Variants in CHADL observed in about 807,000 individuals in gnomAD.
CHADL encodes chondroadherin like.
A neutral mutation model predicts 52.1 loss-of-function variants in CHADL; 48 were observed. The observed-to-expected ratio is 0.92, with a 90% confidence interval of 0.73 to 1.17. The LOEUF (loss-of-function observed/expected upper bound fraction) is 1.17, where lower values mean the gene tolerates loss of function less well. CHADL is among the 50% of genes most tolerant of loss of function. The probability of loss-of-function intolerance (pLI) is 0.00; values close to 1 mark genes in which losing one functional copy is unlikely to be tolerated. For synonymous variants in CHADL, 498 were observed against 511.2 expected, an observed-to-expected ratio of 0.97 and a Z score of 0.35; for missense variants, 977 against 1,035.1, an observed-to-expected ratio of 0.94 and a Z score of 0.77.
At position 41,238,942 on chromosome 22, in the gene CHADL, G is replaced by C. The variant is rs1171187415; in HGVS notation, c.187-57C>G. ...CCAGGCAGGGACCCCGCCTTTGCAA[G>C]TGCTGCTTCTTCCCCGGAACACTCT... is the stretch of plus-strand genomic sequence containing the variant. On this transcript the variant is annotated intron_variant, in intron 2 of 5. Transcript: ENST00000216241. This position sits in a 1 kb window ranked among gnomAD's most constrained non-coding sequence, Gnocchi z 4.9. The C allele has an allele frequency of 4.8e-6, 7 of 1,471,812 alleles. No individual in the cohort carries two copies. The highest frequency in any genetic ancestry group is 4.8e-5 in the Admixed American group (2 of 41,510). 91.2% of individuals were successfully genotyped at this position (1,471,812 alleles called of 1,614,324 possible).
rs1376117631 is a variant in CHADL at position 41,236,620 on chromosome 22, GC to G, written c.1926del (p.Leu645SerfsTer49). 6.5e-7 allele frequency: 1 copy of G among 1,550,230 alleles called. No homozygotes were observed. The highest frequency in any genetic ancestry group is 1.2e-5 in the South Asian group (1 of 84,014). On this transcript the variant is annotated frameshift_variant, in exon 4 of 6. Coordinates refer to ENST00000216241, the MANE Select transcript of CHADL (RefSeq NM_138481.2). LOFTEE classifies it high-confidence loss of function. ...TGCAGGTGCAGGCTCTGGAGCCCGGGCCCCAGGCCTGAAAAGGCCCCAGGAC... is the reference window on the plus strand; with the variant it reads ...TGCAGGTGCAGGCTCTGGAGCCCGGGCCCAGGCCTGAAAAGGCCCCAGGAC... ...QICPGAFSGL[G>X]PGLQSLHLQK...
At chr22:41,232,898 G>T (rs139492) in intron 5 of CHADL, among the ~76,000 whole-genome samples, 56,433 of 151,882 alleles carry the variant, frequency 0.37, 10,984 homozygotes, top group African/African-American at 0.44. Context: ...GATTAGTATT[G>T]CTCTCATCAA....
chr22:41,232,983 C>T lies in CHADL; in HGVS notation c.2262+2162G>A, dbSNP rs147836356. 2.3e-3 allele frequency among the ~76,000 whole-genome samples: 348 copies of T among 152,226 alleles called. 4 individuals carry two copies. Among genetic ancestry groups the T allele is most frequent in the Middle Eastern group, 0.01 (3 of 294 alleles). On this transcript the variant is annotated intron_variant, in intron 5 of 5. Coordinates refer to ENST00000216241, the MANE Select transcript of CHADL (RefSeq NM_138481.2). ...TGGGGTCTTTTCAGGAGTTCCTTCC[C>T]GGCTCCCAGCCAGAAATTAGGAACA...
Position 41,237,480 on chromosome 22 carries a change from T to C in CHADL, c.1592A>G (p.Asn531Ser). 5 of 1,550,478 alleles carry C rather than the reference T, an allele frequency of 3.2e-6. No homozygotes were observed. In the South Asian group the frequency reaches 5.9e-5, roughly 18 times the overall value. The change falls in exon 3 of 6, where the codon AAC becomes AGC. Residue 531 changes from asparagine to serine, a missense_variant. Asn to Ser is a conservative substitution (Grantham distance 46). Transcript: ENST00000216241. ...PSLFSLHLQD[N>S]AVDRLAPGDL... The stretch of plus-strand genomic sequence containing the variant: ...CCCAGGTGCCAGGCGGTCCACAGCG[T>C]TGTCCTGCAGGTGCAGGGAGAAGAG...
Position 41,235,343 on chromosome 22 carries a change from C to G in CHADL, c.2064G>C (p.Arg688Ser). ...HCDCQLLPLH[R>S]WLTGLNLRVG... ...CCCGCAGGTTCAGCCCAGTAAGCCACCTGAAGAGAAAAGAGAGCTGGGGAG... is the reference window on the plus strand; with the variant it reads ...CCCGCAGGTTCAGCCCAGTAAGCCAGCTGAAGAGAAAAGAGAGCTGGGGAG... Residue 688 changes from arginine to serine, a missense_variant and splice_region_variant, in exon 5 of 6, where the codon AGG becomes AGC. Arg to Ser is a moderately radical substitution (Grantham distance 110, BLOSUM62 -1). Transcript: ENST00000216241. 6.5e-7 allele frequency: 1 copy of G among 1,550,330 alleles called. No homozygotes were observed. The highest frequency in any genetic ancestry group is 8.7e-7 in the Non-Finnish European group (1 of 1,146,834).
At chr22:41,236,154 G>A (rs186806999) in intron 4 of CHADL, among the ~76,000 whole-genome samples, 11 of 152,316 alleles carry the variant, frequency 7.2e-5, no homozygotes, top group Admixed American at 2.6e-4. Context: ...TTATAGGCGC[G>A]AGCCACCATC....
Position 41,236,556 on chromosome 22 carries a change from A to G in CHADL, c.1991T>C (p.Leu664Pro), listed in dbSNP as rs886785381. 21 of 1,551,358 alleles carry G rather than the reference A, an allele frequency of 1.4e-5. No individual in the cohort carries two copies. Among genetic ancestry groups the G allele is most frequent in the Admixed American group, 5.9e-5 (3 of 50,992 alleles). ...QLRALPALPS[L>P]SQLELIDLSS... ...GAGGTCGATGAGCTCCAGCTGGCTG[A>G]GACTGGGCAGGGCAGGCAGGGCCCG... The change falls in exon 4 of 6, where the codon CTC (leucine) becomes CCC (proline). Residue 664 changes from leucine (L) to proline (P), a missense_variant. Leu to Pro is a moderately conservative substitution (Grantham distance 98, BLOSUM62 -3). Coordinates refer to ENST00000216241, the MANE Select transcript of CHADL (RefSeq NM_138481.2).
Position 41,237,459 on chromosome 22 carries a change from G to C in CHADL, c.1613C>G (p.Pro538Arg). ...LQDNAVDRLAPGDLGRTRALR... is the reference protein window; with the variant it reads ...LQDNAVDRLARGDLGRTRALR... Reference sequence around the variant, plus strand: ...GGCCCGTGTTCTCCCCAGGTCCCCAGGTGCCAGGCGGTCCACAGCGTTGTC... The same window carrying C: ...GGCCCGTGTTCTCCCCAGGTCCCCACGTGCCAGGCGGTCCACAGCGTTGTC... Residue 538 changes from proline to arginine, a missense_variant, in exon 3 of 6, where the codon CCT becomes CGT. By Grantham distance (103) the Pro-to-Arg change is moderately radical. Transcript: ENST00000216241. The C allele has an allele frequency of 6.4e-7, 1 of 1,550,536 alleles. No individual in the cohort carries two copies. The highest frequency in any genetic ancestry group is 1.2e-5 in the South Asian group (1 of 84,070).
Position 41,238,849 on chromosome 22 carries a change from T to A in CHADL, c.223A>T (p.Lys75Ter), listed in dbSNP as rs573783577. ...TGGAAGGCGGCTGCGGGGATCACCT[T>A]CAGCAAATTGCCCTGCAGGTCCAGC... is the stretch of plus-strand genomic sequence containing the variant. ...QRLDLQGNLL[K>*]VIPAAAFQGV... Residue 75 changes from lysine (K) to a stop codon, truncating the protein, a stop_gained, in exon 3 of 6, where the codon AAG (lysine) becomes TAG (stop). Coordinates refer to ENST00000216241, the MANE Select transcript of CHADL (RefSeq NM_138481.2). LOFTEE classifies it high-confidence loss of function. The surrounding 1 kb of genome is among the most constrained non-coding windows in gnomAD (Gnocchi z 4.9). The A allele has an allele frequency of 3.9e-6, 6 of 1,544,012 alleles. No individual in the cohort carries two copies. The highest frequency in any genetic ancestry group is 5.3e-6 in the Non-Finnish European group (6 of 1,142,206).
In CHADL at chr22:41,238,802, G is replaced by A; in HGVS notation, c.270C>T (p.His90=). The change falls in exon 3 of 6, where the codon CAC becomes CAT. Residue 90 remains histidine (H), a synonymous_variant. Coordinates refer to ENST00000216241, the MANE Select transcript of CHADL (RefSeq NM_138481.2). The surrounding 1 kb of genome is among the most constrained non-coding windows in gnomAD (Gnocchi z 4.9). ...CCACCTCGCAGTGGCGCAGGTCCAGGTGTGTGAGGTGAGGCACGCCCTGGA... is the reference window on the plus strand; with the variant it reads ...CCACCTCGCAGTGGCGCAGGTCCAGATGTGTGAGGTGAGGCACGCCCTGGA... ...AAFQGVPHLT[H]LDLRHCEVEL... is the part of the protein sequence containing the mutation. 1.3e-6 allele frequency: 2 copies of A among 1,549,618 alleles called. No individual in the cohort carries two copies. Among genetic ancestry groups the A allele is most frequent in the South Asian group, 1.2e-5 (1 of 84,032 alleles).
At chr22:41,230,105 C>G in intron 5 of CHADL, 1 of 383,726 alleles carries the variant, frequency 2.6e-6, no homozygotes, top group Non-Finnish European at 5.0e-6. Context: ...GAGTTATTTA[C>G]TCGCCCACCC....
In CHADL at chr22:41,235,213, G is replaced by T; in HGVS notation, c.2194C>A (p.Arg732=). The change falls in exon 5 of 6, where the codon CGG becomes AGG. Residue 732 remains arginine (R), a synonymous_variant. Coordinates refer to ENST00000216241, the MANE Select transcript of CHADL (RefSeq NM_138481.2). The part of the protein sequence containing the change: ...CPGWAARKAK[R]TPASRPSARR... The stretch of plus-strand genomic sequence containing the variant: ...GCACTGGGCCTGGAGGCTGGTGTCC[G>T]CTTGGCCTTTCTGGCAGCCCAGCCC... 6.4e-7 allele frequency: 1 copy of T among 1,551,416 alleles called. No individual in the cohort carries two copies. Among genetic ancestry groups the T allele is most frequent in the Non-Finnish European group, 8.7e-7 (1 of 1,147,004 alleles).
Position 41,237,313 on chromosome 22 carries a change from C to A in CHADL, c.1759G>T (p.Gly587Trp). 1 of 1,550,676 alleles carries A rather than the reference C, an allele frequency of 6.4e-7. No homozygotes were observed. The highest frequency in any genetic ancestry group is 8.7e-7 in the Non-Finnish European group (1 of 1,146,948). The change falls in exon 3 of 6, where the codon GGG (glycine) becomes TGG (tryptophan). Residue 587 changes from glycine (G) to tryptophan (W), a missense_variant. By Grantham distance (184) the Gly-to-Trp change is radical (BLOSUM62 -2). Transcript: ENST00000216241. ...AGGGCAGGCAGCCCCTCCAAGGCCC[C>A]AGTGGGCACCTCTCGCAGCTGATTC... ...DRNQLREVPT[G>W]ALEGLPALLE...
Position 41,239,611 on chromosome 22 carries a change from G to A in CHADL, c.18C>T (p.Ser6=). 6.5e-7 allele frequency: 1 copy of A among 1,531,312 alleles called. No homozygotes were observed. The highest frequency in any genetic ancestry group is 8.8e-7 in the Non-Finnish European group (1 of 1,137,172). The allele number at this position is 1,531,312 out of a possible 1,614,324, so 94.9% of individuals were successfully genotyped here. A position where few individuals can be genotyped will look rare whatever the true frequency, so the allele number is the denominator to read the frequency against. The part of the protein sequence containing the change: MEGPR[S]STHVPLVLPL... Reference sequence around the variant, plus strand: ...GCAGCACCAAGGGGACATGGGTGGAGCTCCGGGGCCTGGGACGGGGAGGGA... The same window carrying A: ...GCAGCACCAAGGGGACATGGGTGGAACTCCGGGGCCTGGGACGGGGAGGGA... Residue 6 remains serine, a synonymous_variant, in exon 2 of 6, where the codon AGC becomes AGT. Transcript: ENST00000216241.
At position 41,232,123 on chromosome 22, in the gene CHADL, G is replaced by C. The variant is rs578021104; in HGVS notation, c.2263-2393C>G. 5.8e-3 allele frequency among the ~76,000 whole-genome samples: 880 copies of C among 151,724 alleles called. 6 individuals are homozygous for C. Among genetic ancestry groups the C allele is most frequent in the African/African-American group, 0.02 (837 of 41,400 alleles). On this transcript the variant is annotated intron_variant, in intron 5 of 5. Coordinates refer to ENST00000216241, the MANE Select transcript of CHADL (RefSeq NM_138481.2). ...CACGGCGGGCGGATCACAAGGTCAG[G>C]AGATCGAGACCATCCTGGCTAACAC...
Position 41,230,607 on chromosome 22 carries a change from C to T in CHADL, c.2263-877G>A, listed in dbSNP as rs1601549155. 1.3e-5 allele frequency: 4 copies of T among 318,280 alleles called. No individual in the cohort carries two copies. In the Middle Eastern group the frequency reaches 4.2e-3, roughly 334 times the overall value. The allele number at this position is 318,280 out of a possible 1,614,324, so 19.7% of individuals were successfully genotyped here. On this transcript the variant is annotated intron_variant, in intron 5 of 5. Transcript: ENST00000216241. Reference sequence around the variant, plus strand: ...CCCTCAGTTGCCAGGGATGGGGCCACCACTGTCACACTGTGGAATACAAGA... The same window carrying T: ...CCCTCAGTTGCCAGGGATGGGGCCATCACTGTCACACTGTGGAATACAAGA...
At chr22:41,230,301 C>T (rs754140001) in intron 5 of CHADL, 47 of 1,353,328 alleles carry the variant, frequency 3.5e-5, no homozygotes, top group Non-Finnish European at 5.0e-5. Flanking sequence ...CCCAGCGTTT[C>T]TCTACCACCA....
chr22:41,232,244 A>G (rs1353489999), intron 5 of CHADL, among the ~76,000 whole-genome samples: 4 of 151,866 alleles, frequency 2.6e-5, no homozygotes, highest in Non-Finnish European at 5.9e-5. Flanking sequence ...AGGCAGGAGA[A>G]TCACTTGAAC....
intron 1 of CHADL, among the ~76,000 whole-genome samples, chr22:41,240,562 G>A (rs2032842710): frequency 6.6e-6 from 1 of 152,270 alleles, no homozygotes; most frequent in Non-Finnish European, 1.5e-5. Flanking sequence ...TCCAGAGCCT[G>A]TGGTGAAGGC....
Sources: gnomAD v4.1 joint callset for allele counts (sites outside exome capture counted in the v4.1 genomes callset) on GRCh38, gnomAD v4.1.1 for gene constraint, Gnocchi (gnomAD v3.1) non-coding constraint, MANE v1.5 for transcripts, NCBI Gene and HGNC (gene_info 2026-07-23, HGNC 2026-07-21) for gene names.